SGCD: variants seen among roughly 807,000 people sequenced by gnomAD.
SGCD encodes the protein delta-sarcoglycan.
In SGCD, 18 loss-of-function variants were observed where a neutral mutation model predicts 36.6. The ratio of observed to expected loss-of-function variants is 0.49; its 90% CI spans 0.34 to 0.73. The LOEUF is 0.73. SGCD is among the 30% of genes least tolerant of loss of function. The pLI is 0.01. For synonymous variants in SGCD, 133 were observed against 130.6 expected, an observed-to-expected ratio of 1.02 and a Z score of -0.12; for missense variants, 387 against 346.7, an observed-to-expected ratio of 1.12 and a Z score of -0.92.
intron 1 of SGCD, among the ~76,000 whole-genome samples, chr5:156,038,955 T>C (rs1759568039): frequency 6.6e-6 from 1 of 152,162 alleles, no homozygotes; most frequent in Non-Finnish European, 1.5e-5. Flanking sequence ...CCTCTGACCA[T>C]GTCACCAGGG....
intron 6 of SGCD, among the ~76,000 whole-genome samples, chr5:156,615,808 T>C (rs542504826): frequency 1.3e-5 from 2 of 152,244 alleles, no homozygotes; most frequent in South Asian, 2.1e-4. Context: ...AAAGTGCCTA[T>C]AAAATCCAGC....
At chr5:155,805,572 T>C in the SGCD span, among the ~76,000 whole-genome samples, 5 of 152,236 alleles carry the variant, frequency 3.3e-5, no homozygotes, top group African/African-American at 1.2e-4. Context: ...ACACACCAGA[T>C]GCCAGTAGCA....
chr5:156,710,476 T>C (rs537133792), intron 7 of SGCD, among the ~76,000 whole-genome samples: 4 of 152,302 alleles, frequency 2.6e-5, no homozygotes, highest in African/African-American at 9.6e-5. Flanking sequence ...CTATGACCCA[T>C]AACGCAGCCC....
chr5:156,520,947 G>A (rs940164044), intron 4 of SGCD, among the ~76,000 whole-genome samples: 1 of 150,172 alleles, frequency 6.7e-6, no homozygotes, highest in African/African-American at 2.5e-5. Flanking sequence ...AACCTGGGAG[G>A]TGGATATTGC....
intron 1 of SGCD, among the ~76,000 whole-genome samples, chr5:155,939,644 C>CA (rs70981990): frequency 0.46 from 57,618 of 126,498 alleles, 13,983 homozygotes; most frequent in Non-Finnish European, 0.57. Context: ...GACTCTCTCT[C>CA]AAAAAAAAAA....
chr5:155,971,784 G>A (rs991827299), intron 1 of SGCD, among the ~76,000 whole-genome samples: 3 of 152,052 alleles, frequency 2.0e-5, no homozygotes, highest in Non-Finnish European at 2.9e-5. Context: ...TGACTCATTC[G>A]CTTTGCATGG....
the SGCD span, among the ~76,000 whole-genome samples, chr5:155,774,608 C>G: frequency 2.0e-5 from 3 of 152,070 alleles, no homozygotes; most frequent in South Asian, 6.2e-4. Context: ...TTCCATGGCT[C>G]ATAGCCCCTT....
chr5:156,073,318 G>A (rs1348875202), intron 1 of SGCD, among the ~76,000 whole-genome samples: 2 of 152,146 alleles, frequency 1.3e-5, no homozygotes, highest in South Asian at 4.1e-4. Flanking sequence ...AGCACTTTGG[G>A]AGGCCAAGGT....
intron 1 of SGCD, among the ~76,000 whole-genome samples, chr5:155,925,027 G>A (rs1224996918): frequency 1.3e-5 from 2 of 151,358 alleles, no homozygotes; most frequent in East Asian, 1.9e-4. Context: ...TTAGCAAAAT[G>A]AGGAAATTAA....
At chr5:156,311,774 C>G (rs1398154981) in intron 3 of SGCD, among the ~76,000 whole-genome samples, 1 of 152,128 alleles carries the variant, frequency 6.6e-6, no homozygotes, top group East Asian at 1.9e-4. Context: ...AAACACTCAC[C>G]TAATATCATA....
At chr5:156,148,672 G>A (rs535321418) in intron 3 of SGCD, among the ~76,000 whole-genome samples, 8 of 152,088 alleles carry the variant, frequency 5.3e-5, no homozygotes, top group South Asian at 4.2e-4. Context: ...GTTTATTTCC[G>A]CAACTGGTTA....
intron 4 of SGCD, among the ~76,000 whole-genome samples, chr5:156,569,095 C>CT (rs57484573): frequency 0.26 from 39,336 of 152,056 alleles, 5,751 homozygotes; most frequent in Non-Finnish European, 0.34. Context: ...ATCCTCCCCT[C>CT]TTCTAGGTAC....
At chr5:156,691,516 C>T (rs1754110735) in intron 7 of SGCD, among the ~76,000 whole-genome samples, 1 of 152,124 alleles carries the variant, frequency 6.6e-6, no homozygotes, top group Non-Finnish European at 1.5e-5. Context: ...GACATAATTA[C>T]TCAACCCTGC....
At position 156,428,789 on chromosome 5, in the gene SGCD, C is replaced by T. The variant is rs143919476; in HGVS notation, c.193-79812C>T. 4.5e-4 allele frequency among the ~76,000 whole-genome samples: 69 copies of T among 152,168 alleles called. No homozygotes were observed. The East Asian group carries it at 0.013, about 29-fold the overall frequency. On this transcript the variant is annotated intron_variant, in intron 3 of 8. Transcript: ENST00000337851. The stretch of plus-strand genomic sequence containing the variant: ...ATTTCCATCTTGATTTCATTGTTGA[C>T]CCAAACATCATTCAAGAGCAGATTA...
intron 4 of SGCD, among the ~76,000 whole-genome samples, chr5:156,588,708 G>T (rs1270065760): frequency 6.6e-6 from 1 of 152,170 alleles, no homozygotes; most frequent in Non-Finnish European, 1.5e-5. Flanking sequence ...AGATCTCCTG[G>T]GTTTTGTATA....
intron 3 of SGCD, among the ~76,000 whole-genome samples, chr5:156,440,853 C>T (rs937554665): frequency 1.3e-5 from 2 of 152,056 alleles, no homozygotes; most frequent in African/African-American, 2.4e-5. Flanking sequence ...ATTCTAGATA[C>T]TAGACCCTTA....
At position 156,442,855 on chromosome 5, in the gene SGCD, G is replaced by A. The variant is rs530333511; in HGVS notation, c.193-65746G>A. ...CAGGGCTTATGTTCTAGTGGAGGAT[G>A]TAGATAGTACACTAGAAAACACAAT... On this transcript the variant is annotated intron_variant, in intron 3 of 8. Transcript: ENST00000337851. 3.3e-5 allele frequency among the ~76,000 whole-genome samples: 5 copies of A among 152,326 alleles called. No homozygotes were observed. The East Asian group carries it at 9.6e-4, about 29-fold the overall frequency.
chr5:156,218,268 A>G (rs1452575762), intron 3 of SGCD, among the ~76,000 whole-genome samples: 1 of 152,190 alleles, frequency 6.6e-6, no homozygotes, highest in African/African-American at 2.4e-5. Context: ...TAAAAATAAA[A>G]ATAAAATAAA....
intron 3 of SGCD, among the ~76,000 whole-genome samples, chr5:156,449,677 C>CAAAAAAAAAAAAAAAAAA (rs397883573): frequency 3.0e-4 from 14 of 46,038 alleles, no homozygotes; most frequent in African/African-American, 6.9e-4. Flanking sequence ...ACTAAAAATA[C>CAAAAAAAAAAAAAAAAAA]AAAAAAAAAA....
Sources: allele counts gnomAD v4.1 joint callset (sites outside exome capture counted in the v4.1 genomes callset), GRCh38; gene constraint gnomAD v4.1.1; transcripts MANE v1.5; gene names NCBI Gene and HGNC (gene_info 2026-07-23, HGNC 2026-07-21).